The following HSD17B12 variants were observed in gnomAD, a reference collection of about 807,000 sequenced individuals.
The protein encoded by HSD17B12 is hydroxysteroid 17-beta dehydrogenase 12.
Under a neutral mutation model 39.3 loss-of-function variants are expected in HSD17B12, and 32 were observed. The ratio of observed to expected loss-of-function variants is 0.81; its 90% confidence interval spans 0.61 to 1.09. The LOEUF (loss-of-function observed/expected upper bound fraction) is 1.09. HSD17B12 is among the 50% of genes least tolerant of loss of function. The pLI, the probability that HSD17B12 is intolerant of heterozygous loss-of-function variation, is 0.00. For synonymous variants in HSD17B12, 150 were observed against 146.7 expected, an observed-to-expected ratio of 1.02 and a Z score of -0.16; for missense variants, 342 against 382.9, an observed-to-expected ratio of 0.89 and a Z score of 0.89.
At chr11:43,663,913 A>G in the HSD17B12 span, among the ~76,000 whole-genome samples, 1 of 151,256 alleles carries the variant, frequency 6.6e-6, no homozygotes, top group Non-Finnish European at 1.5e-5. Context: ...CCCAGGCTGG[A>G]GTGCAGTGGC....
At chr11:43,739,531 C>T (rs925294211) in intron 1 of HSD17B12, among the ~76,000 whole-genome samples, 10 of 152,220 alleles carry the variant, frequency 6.6e-5, no homozygotes, top group Non-Finnish European at 1.0e-4. Context: ...TTGCTGCATC[C>T]TTCGAATGCT....
intron 2 of HSD17B12, among the ~76,000 whole-genome samples, chr11:43,753,238 C>A (rs1177840120): frequency 1.3e-5 from 2 of 152,038 alleles, no homozygotes; most frequent in Non-Finnish European, 2.9e-5. Context: ...CAATTAACTT[C>A]TTTAGTTTGC....
chr11:43,839,382 A>C (rs16937650), intron 8 of HSD17B12, among the ~76,000 whole-genome samples: 8,292 of 152,220 alleles, frequency 0.054, 256 homozygotes, highest in African/African-American at 0.069. Context: ...ATGGCTACAA[A>C]ACTATGACTA....
At chr11:43,671,134 T>C in the HSD17B12 span, among the ~76,000 whole-genome samples, 1 of 152,156 alleles carries the variant, frequency 6.6e-6, no homozygotes, top group African/African-American at 2.4e-5. Flanking sequence ...TAAGATATTA[T>C]GGTTTACTTT....
chr11:43,647,696 A>G, the HSD17B12 span, among the ~76,000 whole-genome samples: 1 of 152,318 alleles, frequency 6.6e-6, no homozygotes, highest in South Asian at 2.1e-4. Context: ...TATTTGAAAA[A>G]GAAGAATTGT....
chr11:43,784,173 A>G (rs1342724897), intron 3 of HSD17B12, among the ~76,000 whole-genome samples: 1 of 152,124 alleles, frequency 6.6e-6, no homozygotes, highest in East Asian at 1.9e-4. Flanking sequence ...GTCATGATAG[A>G]TCGAGTAAGC....
chr11:43,559,136 A>G, the HSD17B12 span, among the ~76,000 whole-genome samples: 3 of 152,208 alleles, frequency 2.0e-5, no homozygotes, highest in Admixed American at 6.5e-5. Context: ...CCCGGAAAGC[A>G]TCAGGTTTCT....
At chr11:43,603,470 T>C in the HSD17B12 span, among the ~76,000 whole-genome samples, 1 of 152,170 alleles carries the variant, frequency 6.6e-6, no homozygotes, top group Non-Finnish European at 1.5e-5. Context: ...CTCAAAAATA[T>C]AAAGGAATTA....
At chr11:43,621,441 AC>A in the HSD17B12 span, among the ~76,000 whole-genome samples, 1 of 152,066 alleles carries the variant, frequency 6.6e-6, no homozygotes, top group Non-Finnish European at 1.5e-5. Flanking sequence ...TCAGCTGGGC[AC>A]AGTGGCTCAC....
In HSD17B12 at chr11:43,754,027, A is replaced by G; in HGVS notation, c.208-19A>G. On this transcript the variant is annotated intron_variant, in intron 2 of 10. Transcript: ENST00000278353. The stretch of plus-strand genomic sequence containing the variant: ...AGTGACATGCACAGGTGTGATTCAA[A>G]TCTCCTTTACTGTTTCAGTTAGCAA... The G allele has an allele frequency of 6.3e-7, 1 of 1,575,400 alleles. No individual in the cohort carries two copies. The highest frequency in any genetic ancestry group is 8.7e-7 in the Non-Finnish European group (1 of 1,147,238).
chr11:43,693,919 C>T (rs547501567), intron 1 of HSD17B12, among the ~76,000 whole-genome samples: 9 of 152,258 alleles, frequency 5.9e-5, no homozygotes, highest in Admixed American at 3.3e-4. Flanking sequence ...ATAATTTTGC[C>T]GTGGAACAGG....
At chr11:43,757,639 CAAAAAAAAAAAAA>C (rs60598991) in intron 3 of HSD17B12, among the ~76,000 whole-genome samples, 2 of 7,198 alleles carry the variant, frequency 2.8e-4, no homozygotes, top group African/African-American at 3.8e-4. Flanking sequence ...GACTCCGTCT[CAAAAAAAAAAAAA>C]AAAAAAAAAA....
At chr11:43,805,217 A>G (rs567437710) in intron 4 of HSD17B12, among the ~76,000 whole-genome samples, 2 of 152,184 alleles carry the variant, frequency 1.3e-5, no homozygotes, top group Non-Finnish European at 2.9e-5. Flanking sequence ...TCTCAATGTT[A>G]TAAATAGTTT....
At chr11:43,603,537 T>TTTAC in the HSD17B12 span, among the ~76,000 whole-genome samples, 1 of 152,230 alleles carries the variant, frequency 6.6e-6, no homozygotes, top group Non-Finnish European at 1.5e-5. Context: ...AGGAGACATG[T>TTTAC]ATGTGCTGGG....
At chr11:43,702,719 C>T (rs995594204) in intron 1 of HSD17B12, among the ~76,000 whole-genome samples, 6 of 152,126 alleles carry the variant, frequency 3.9e-5, no homozygotes, top group South Asian at 4.1e-4. Flanking sequence ...GTCCAATCTG[C>T]GGCCAATGGG....
the HSD17B12 span, chr11:43,576,673 T>G: frequency 6.6e-6 from 1 of 152,330 alleles, no homozygotes; most frequent in African/African-American, 2.4e-5. Context: ...GCTTACTTTG[T>G]GCATGCTCCG....
chr11:43,606,229 C>T, the HSD17B12 span, among the ~76,000 whole-genome samples: 3 of 152,312 alleles, frequency 2.0e-5, no homozygotes, highest in Non-Finnish European at 2.9e-5. Context: ...GTACTCATAT[C>T]GTTACAATCC....
At chr11:43,656,215 G>A in the HSD17B12 span, among the ~76,000 whole-genome samples, 2 of 152,182 alleles carry the variant, frequency 1.3e-5, no homozygotes, top group Admixed American at 6.5e-5. Context: ...AGTATTCTCT[G>A]ATGGTAGTTT....
At chr11:43,743,513 GAC>G (rs1296995734) in intron 1 of HSD17B12, among the ~76,000 whole-genome samples, 1 of 152,200 alleles carries the variant, frequency 6.6e-6, no homozygotes, top group East Asian at 1.9e-4. Context: ...TATCTCAAAA[GAC>G]AGGGGTGGGG....
Sources: allele counts gnomAD v4.1 joint callset (sites outside exome capture counted in the v4.1 genomes callset), GRCh38; gene constraint gnomAD v4.1.1; transcripts MANE v1.5; gene names NCBI Gene and HGNC (gene_info 2026-07-23, HGNC 2026-07-21).